Variants in RARB observed in about 807,000 individuals in gnomAD.
RARB encodes the protein HBV-activated protein.
In RARB, 17 loss-of-function variants were observed where a neutral mutation model predicts 51.9. That is an observed-to-expected ratio of 0.33 (90% CI 0.22 to 0.49). The LOEUF (loss-of-function observed/expected upper bound fraction) is 0.49. Ranked by LOEUF, RARB falls within the 20% of genes least tolerant of loss-of-function variation. The pLI is 0.99. For synonymous variants in RARB, 215 were observed against 195.4 expected (o/e 1.10, Z -0.84); for missense variants, 369 against 550.8 (o/e 0.67, Z 3.30).
At chr3:25,402,734 T>C (rs1707296333) in intron 5 of RARB, among the ~76,000 whole-genome samples, 2 of 152,152 alleles carry the variant, frequency 1.3e-5, no homozygotes, top group Admixed American at 6.5e-5. Flanking sequence ...TTCTCACTTA[T>C]TTGTGGGATC....
rs73135582 is a variant in RARB, at chr3:24,899,446, A to G, written c.-380+40694A>G. ...AGGCTGTTTGTGGAAAGGTTCCGTC[A>G]CTGGCCAGTCATGTGAGAGGCCGAA... On this transcript the variant is annotated intron_variant, in intron 2 of 11. Transcript: ENST00000383772. Among the ~76,000 whole-genome samples the G allele has an allele frequency of 6.5e-3, 997 of 152,306 alleles. 14 individuals carry two copies. Among genetic ancestry groups the G allele is most frequent in the African/African-American group, 0.023 (945 of 41,578 alleles).
chr3:25,593,808 TG>T, intron 6 of RARB, 101 bp downstream of exon 6: 3 of 1,146,326 alleles, frequency 2.6e-6, no homozygotes, highest in Non-Finnish European at 3.7e-6. Flanking sequence ...TTGTTTTACA[TG>T]GGAAAACATG....
At chr3:25,241,000 T>G (rs1210069199) in intron 5 of RARB, among the ~76,000 whole-genome samples, 2 of 152,194 alleles carry the variant, frequency 1.3e-5, no homozygotes, top group African/African-American at 4.8e-5. Context: ...CAAGTCAATC[T>G]CATTACTTCT....
At chr3:25,593,219 A>C in intron 5 of RARB, among the ~76,000 whole-genome samples, 1 of 151,606 alleles carries the variant, frequency 6.6e-6, no homozygotes, top group East Asian at 1.9e-4. Flanking sequence ...ATAATTAGGC[A>C]CTCAGTAAAT....
At chr3:24,885,179 G>A (rs1334346975) in intron 2 of RARB, among the ~76,000 whole-genome samples, 1 of 152,078 alleles carries the variant, frequency 6.6e-6, no homozygotes, top group African/African-American at 2.4e-5. Flanking sequence ...CAAGCAAAGA[G>A]GAGTTCGACT....
intron 2 of RARB, among the ~76,000 whole-genome samples, chr3:25,478,892 T>C (rs1424133873): frequency 6.6e-6 from 1 of 152,236 alleles, no homozygotes; most frequent in Non-Finnish European, 1.5e-5. Context: ...TAATGTAAGC[T>C]GCTCCAGTCC....
chr3:25,417,147 G>A (rs1229354513), intron 5 of RARB, among the ~76,000 whole-genome samples: 1 of 149,650 alleles, frequency 6.7e-6, no homozygotes, highest in Non-Finnish European at 1.5e-5. Context: ...AGGGGTAAAA[G>A]TTTCTATAAA....
intron 5 of RARB, among the ~76,000 whole-genome samples, chr3:25,374,606 C>G (rs541991274): frequency 6.6e-6 from 1 of 152,142 alleles, no homozygotes; most frequent in South Asian, 2.1e-4. Flanking sequence ...AGAAGCATCT[C>G]AAGTCTCAAT....
chr3:24,924,101 A>AT (rs921307649), intron 2 of RARB, among the ~76,000 whole-genome samples: 232 of 151,240 alleles, frequency 1.5e-3, no homozygotes, highest in African/African-American at 4.5e-3. Flanking sequence ...GTCATAAACT[A>AT]TTTTTTTTTC....
At chr3:25,138,691 A>G (rs1700068013) in intron 4 of RARB, among the ~76,000 whole-genome samples, 1 of 152,122 alleles carries the variant, frequency 6.6e-6, no homozygotes, top group Non-Finnish European at 1.5e-5. Flanking sequence ...TGCATGGACA[A>G]TTATTTTTTA....
rs535972949 is a variant in RARB, at chr3:25,122,597, C to T, written c.-327-9564C>T. Among the ~76,000 whole-genome samples, 8 of 152,242 alleles carry T rather than the reference C, an allele frequency of 5.3e-5. No individual in the cohort carries two copies. The East Asian group carries it at 1.6e-3, about 30-fold the overall frequency. On this transcript the variant is annotated intron_variant, in intron 3 of 11. Coordinates refer to the RARB transcript ENST00000383772. ...AAAGTATGAGGGGGACAAGTTAGCT[C>T]TCTTGAAGGTCCCCATCTGGTACTC...
chr3:25,163,368 G>C (rs1700504383), intron 4 of RARB, among the ~76,000 whole-genome samples: 1 of 151,762 alleles, frequency 6.6e-6, no homozygotes, highest in Admixed American at 6.6e-5. Context: ...AGTTGGGCAT[G>C]GTGGTGATTT....
At chr3:25,298,088 A>G (rs537711715) in intron 5 of RARB, among the ~76,000 whole-genome samples, 36 of 152,268 alleles carry the variant, frequency 2.4e-4, no homozygotes, top group African/African-American at 7.7e-4. Flanking sequence ...GCAGAGGTTC[A>G]GGGTAGGGGG....
chr3:25,376,996 T>G (rs923673012), intron 5 of RARB, among the ~76,000 whole-genome samples: 1 of 152,148 alleles, frequency 6.6e-6, no homozygotes, highest in Non-Finnish European at 1.5e-5. Flanking sequence ...TTTGTTTTTC[T>G]TCTTTCAATG....
intron 2 of RARB, among the ~76,000 whole-genome samples, chr3:25,000,734 G>C (rs1286544612): frequency 6.6e-6 from 1 of 152,122 alleles, no homozygotes; most frequent in Non-Finnish European, 1.5e-5. Context: ...CCCTCTAAGA[G>C]AAGTGGAGAA....
At chr3:25,370,021 A>C (rs1706250333) in intron 5 of RARB, among the ~76,000 whole-genome samples, 1 of 152,246 alleles carries the variant, frequency 6.6e-6, no homozygotes, top group East Asian at 1.9e-4. Flanking sequence ...GAAAAGGCAC[A>C]GAGCAGAAAA....
intron 3 of RARB, among the ~76,000 whole-genome samples, chr3:25,114,808 T>C (rs897480966): frequency 4.6e-5 from 7 of 152,184 alleles, no homozygotes; most frequent in Admixed American, 2.0e-4. Context: ...AGCTTAAAGA[T>C]AACAGTGGAA....
intron 5 of RARB, among the ~76,000 whole-genome samples, chr3:25,303,794 G>A (rs1053381809): frequency 6.6e-6 from 1 of 152,066 alleles, no homozygotes; most frequent in African/African-American, 2.4e-5. Flanking sequence ...CAGCCAGCCG[G>A]GCAGAATGTT....
intron 3 of RARB, among the ~76,000 whole-genome samples, chr3:25,558,412 C>T (rs1700141677): frequency 6.6e-6 from 1 of 152,130 alleles, no homozygotes; most frequent in African/African-American, 2.4e-5. Flanking sequence ...ATTCTTTTCT[C>T]CATTGGTTTC....
Sources: gnomAD v4.1 joint callset for allele counts (sites outside exome capture counted in the v4.1 genomes callset) on GRCh38, gnomAD v4.1.1 for gene constraint, MANE v1.5 for transcripts, NCBI Gene and HGNC (gene_info 2026-07-23, HGNC 2026-07-21) for gene names.